The following FAR1 variants were observed in gnomAD, a reference collection of about 807,000 sequenced individuals.
The protein encoded by FAR1 is fatty acyl-CoA reductase 1.
In FAR1, 22 loss-of-function variants were observed where a neutral mutation model predicts 61.1. The observed-to-expected ratio is 0.36, with a 90% CI of 0.26 to 0.51. FAR1 has a LOEUF of 0.51. Ranked by LOEUF, FAR1 falls within the 20% of genes least tolerant of loss-of-function variation. The probability of loss-of-function intolerance (pLI) is 0.95; values close to 1 mark genes in which losing one functional copy is unlikely to be tolerated. For synonymous variants in FAR1, 206 were observed against 209.7 expected (o/e 0.98, Z 0.15); for missense variants, 359 against 626.9 (o/e 0.57, Z 4.56).
chr11:13,708,447 G>GCGCGCA lies in FAR1; in HGVS notation c.545+369_545+370insGCGCAC, dbSNP rs139902063. Among the ~76,000 whole-genome samples, 575 of 136,708 alleles carry GCGCGCA rather than the reference G, an allele frequency of 4.2e-3. 3 individuals carry two copies. The highest frequency in any genetic ancestry group is 7.7e-3 in the Middle Eastern group (2 of 260). The allele number at this position is 136,708 out of a possible 152,430, so 89.7% of individuals were successfully genotyped here. ...CCCATATACATGTGCGCGCGCGCGC[G>GCGCGCA]CACACACACACACACACACACACAC... On this transcript the variant is annotated intron_variant, in intron 4 of 11. Coordinates refer to ENST00000354817, the MANE Select transcript of FAR1 (RefSeq NM_032228.6).
At position 13,689,144 on chromosome 11, in the gene FAR1, T is replaced by C. The variant is rs551489500; in HGVS notation, c.-7-5615T>C. ...TAGGCAAACTAGGACATATGATCCC[T>C]GTTTGTTTTTATTTTTCAAAGTAAA... On this transcript the variant is annotated intron_variant, in intron 1 of 11. Coordinates refer to ENST00000354817, the MANE Select transcript of FAR1 (RefSeq NM_032228.6). Among the ~76,000 whole-genome samples, 323 of 152,334 alleles carry C rather than the reference T, an allele frequency of 2.1e-3. 1 individual carries two copies. The highest frequency in any genetic ancestry group is 7.3e-3 in the African/African-American group (304 of 41,576).
intron 1 of FAR1, among the ~76,000 whole-genome samples, chr11:13,681,206 C>G (rs899385752): frequency 6.6e-6 from 1 of 152,188 alleles, no homozygotes; most frequent in East Asian, 1.9e-4. Flanking sequence ...GTGTGAGATC[C>G]ATGAGTCCAT....
chr11:13,706,173 T>G (rs1365821416), intron 3 of FAR1, among the ~76,000 whole-genome samples: 2 of 152,066 alleles, frequency 1.3e-5, no homozygotes, highest in African/African-American at 4.8e-5. Context: ...TCTGTATTTC[T>G]AATTTTTTCC....
chr11:13,682,727 G>C (rs1848141818), intron 1 of FAR1, among the ~76,000 whole-genome samples: 1 of 152,116 alleles, frequency 6.6e-6, no homozygotes, highest in Admixed American at 6.6e-5. Flanking sequence ...TTCCACCTCA[G>C]CCTCTCAAGT....
Position 13,697,634 on chromosome 11 carries a change from A to G in FAR1, c.189+2680A>G, listed in dbSNP as rs61883162. Among the ~76,000 whole-genome samples, 1,203 of 152,250 alleles carry G rather than the reference A, an allele frequency of 7.9e-3. 6 individuals are homozygous for G. The highest frequency in any genetic ancestry group is 0.014 in the Non-Finnish European group (972 of 68,014). The stretch of plus-strand genomic sequence containing the variant: ...AAAGAGATGTTGGCCAGAGAAGGGA[A>G]GAGTATCACATTTAAGATCTAGCAA... On this transcript the variant is annotated intron_variant, in intron 2 of 11. Transcript: ENST00000354817.
At chr11:13,713,141 C>A in intron 8 of FAR1, 108 bp downstream of exon 8, 1 of 908,422 alleles carries the variant, frequency 1.1e-6, no homozygotes. Context: ...ACTGAGTTAC[C>A]AATTTGTTCT....
Sources: allele counts gnomAD v4.1 joint callset (sites outside exome capture counted in the v4.1 genomes callset), GRCh38; gene constraint gnomAD v4.1.1; transcripts MANE v1.5; gene names NCBI Gene and HGNC (gene_info 2026-07-23, HGNC 2026-07-21).